KCNK9: variants seen among roughly 807,000 people sequenced by gnomAD.
KCNK9 encodes potassium channel subfamily K member 9.
Under a neutral mutation model 10.8 loss-of-function variants are expected in KCNK9, and 1 was observed. The ratio of observed to expected loss-of-function variants is 0.09; its 90% CI spans 0.03 to 0.44. The LOEUF is 0.44. KCNK9 is among the 20% of genes least tolerant of loss of function. The pLI, the probability that KCNK9 is intolerant of heterozygous loss-of-function variation, is 0.97. For synonymous variants in KCNK9, 231 were observed against 222.7 expected, an observed-to-expected ratio of 1.04 and a Z score of -0.33; for missense variants, 303 against 515.0, an observed-to-expected ratio of 0.59 and a Z score of 3.98.
intron 1 of KCNK9, among the ~76,000 whole-genome samples, chr8:139,655,239 A>C (rs778859762): frequency 1.3e-5 from 2 of 152,090 alleles, no homozygotes; most frequent in Non-Finnish European, 2.9e-5. Flanking sequence ...AGAGAAGTGC[A>C]TCCCTCCTTC....
intron 1 of KCNK9, among the ~76,000 whole-genome samples, chr8:139,650,337 C>G (rs888316040): frequency 4.6e-5 from 7 of 152,184 alleles, no homozygotes; most frequent in African/African-American, 1.7e-4. Flanking sequence ...CTGTGAGCCT[C>G]CATCACATCT....
chr8:139,610,658 T>C (rs1403708173), downstream of KCNK9, among the ~76,000 whole-genome samples: 1 of 152,198 alleles, frequency 6.6e-6, no homozygotes, highest in African/African-American at 2.4e-5. Flanking sequence ...TTTAGAATTT[T>C]ATTATGGGGG....
At chr8:139,643,441 G>A (rs1258344404) in intron 1 of KCNK9, among the ~76,000 whole-genome samples, 1 of 152,208 alleles carries the variant, frequency 6.6e-6, no homozygotes, top group Non-Finnish European at 1.5e-5. Flanking sequence ...AACCCCAGGG[G>A]TCCCAGGACT....
chr8:139,668,777 T>C (rs1324183731), intron 1 of KCNK9, among the ~76,000 whole-genome samples: 1 of 152,226 alleles, frequency 6.6e-6, no homozygotes, highest in Admixed American at 6.5e-5. Context: ...TGACTCCCTT[T>C]ATTGCAATCT....
chr8:139,641,892 G>A (rs1246164732), intron 1 of KCNK9, among the ~76,000 whole-genome samples: 1 of 152,202 alleles, frequency 6.6e-6, no homozygotes, highest in Non-Finnish European at 1.5e-5. Context: ...AGTAGTCACT[G>A]GAAGGGCTGC....
intron 1 of KCNK9, among the ~76,000 whole-genome samples, chr8:139,657,941 TC>T (rs1816061073): frequency 6.6e-6 from 1 of 152,040 alleles, no homozygotes. Context: ...ACAGCAGGTC[TC>T]CCCCACAGGA....
chr8:139,605,107 G>T (rs951183367), intron 2 of KCNK9, among the ~76,000 whole-genome samples: 4 of 152,316 alleles, frequency 2.6e-5, no homozygotes, highest in Admixed American at 2.6e-4. Context: ...ATTTGCCTTC[G>T]ATATAAAGAA....
At chr8:139,609,556 G>A (rs1309733245), downstream of KCNK9, among the ~76,000 whole-genome samples, 2 of 152,186 alleles carry the variant, frequency 1.3e-5, no homozygotes, top group Non-Finnish European at 2.9e-5. Flanking sequence ...CACCAGGAAG[G>A]GTGAGCTCCA....
intron 2 of KCNK9, among the ~76,000 whole-genome samples, chr8:139,602,310 C>T (rs998213484): frequency 2.6e-5 from 4 of 152,322 alleles, no homozygotes; most frequent in African/African-American, 9.6e-5. Context: ...CACCAGTGTT[C>T]CGGGGAAAAC....
At chr8:139,671,770 G>C in intron 1 of KCNK9, among the ~76,000 whole-genome samples, 1 of 151,900 alleles carries the variant, frequency 6.6e-6, no homozygotes, top group Non-Finnish European at 1.5e-5. Context: ...CATGTTGGCC[G>C]AGCTGGTCTT....
At chr8:139,678,003 C>G (rs984794) in intron 1 of KCNK9, among the ~76,000 whole-genome samples, 2 of 149,294 alleles carry the variant, frequency 1.3e-5, no homozygotes, top group African/African-American at 5.1e-5. Context: ...CAGGTCCCCA[C>G]GGCTGCAGAG....
At chr8:139,661,170 C>T (rs909854321) in intron 1 of KCNK9, among the ~76,000 whole-genome samples, 1 of 152,198 alleles carries the variant, frequency 6.6e-6, no homozygotes, top group African/African-American at 2.4e-5. Flanking sequence ...AGCTTCTACC[C>T]CATGCTGACC....
At chr8:139,646,928 G>A (rs1174603380) in intron 1 of KCNK9, among the ~76,000 whole-genome samples, 1 of 152,182 alleles carries the variant, frequency 6.6e-6, no homozygotes, top group Non-Finnish European at 1.5e-5. Flanking sequence ...CTCTAATGGG[G>A]CCCCCTGGCT....
chr8:139,649,922 C>G (rs78608419), intron 1 of KCNK9, among the ~76,000 whole-genome samples: 2,728 of 152,262 alleles, frequency 0.018, 82 homozygotes, highest in African/African-American at 0.063. Flanking sequence ...TTCTGCACTC[C>G]CCAAGGAAAG....
At chr8:139,635,927 C>A (rs1192105903) in intron 1 of KCNK9, among the ~76,000 whole-genome samples, 1 of 152,032 alleles carries the variant, frequency 6.6e-6, no homozygotes, top group Non-Finnish European at 1.5e-5. Flanking sequence ...AATAAAAATT[C>A]TTCATAAACA....
chr8:139,615,702 A>G (rs942050280), downstream of KCNK9: 32 of 152,294 alleles, frequency 2.1e-4, no homozygotes, highest in African/African-American at 7.7e-4. Flanking sequence ...AAGTTGCCTC[A>G]GATACTTATG....
At chr8:139,650,596 G>A (rs904988035) in intron 1 of KCNK9, among the ~76,000 whole-genome samples, 1 of 152,106 alleles carries the variant, frequency 6.6e-6, no homozygotes, top group African/African-American at 2.4e-5. Flanking sequence ...TGCACACAGG[G>A]ACCATATCCC....
chr8:139,601,419 C>G (rs1042310347), exon 3 of KCNK9: 2 of 152,138 alleles, frequency 1.3e-5, no homozygotes, highest in African/African-American at 2.4e-5. Context: ...TTCCTTACAG[C>G]CACCAGCTCT....
At chr8:139,649,456 G>A (rs918604906) in intron 1 of KCNK9, among the ~76,000 whole-genome samples, 3 of 152,206 alleles carry the variant, frequency 2.0e-5, no homozygotes, top group African/African-American at 7.2e-5. Context: ...GTCACTCCAA[G>A]ATGTGCCTTG....
Sources: allele counts gnomAD v4.1 joint callset (sites outside exome capture counted in the v4.1 genomes callset), GRCh38; gene constraint gnomAD v4.1.1; transcripts MANE v1.5; gene names NCBI Gene and HGNC (gene_info 2026-07-23, HGNC 2026-07-21).